The following ANKRD28 variants were observed in gnomAD, a reference collection of about 807,000 sequenced individuals.
The protein encoded by ANKRD28 is serine/threonine-protein phosphatase 6 regulatory ankyrin repeat subunit A.
In ANKRD28, 44 loss-of-function variants were observed where a neutral mutation model predicts 126.5. The ratio of observed to expected loss-of-function variants is 0.35; its 90% CI spans 0.27 to 0.45. The LOEUF is 0.45. Ranked by LOEUF, ANKRD28 falls within the 20% of genes least tolerant of loss-of-function variation. The pLI is 1.00. For synonymous variants in ANKRD28, 442 were observed against 468.5 expected (o/e 0.94, Z 0.73); for missense variants, 1,110 against 1,316.6 (o/e 0.84, Z 2.43).
chr3:15,735,616 C>T (rs2074966095), intron 5 of ANKRD28, 119 bp from the exon 6 acceptor site: 6 of 714,340 alleles, frequency 8.4e-6, no homozygotes, highest in Non-Finnish European at 1.4e-5. Context: ...AGTTGCTGAA[C>T]AGAAGGAGCT....
Position 15,854,374 on chromosome 3 carries a change from T to C in ANKRD28, c.27+5003A>G, listed in dbSNP as rs2061717377. Among the ~76,000 whole-genome samples the C allele has an allele frequency of 6.6e-6, 1 of 152,228 alleles. No individual in the cohort carries two copies. The stretch of plus-strand genomic sequence containing the variant: ...TCTTGTTGCTTTCATTGACAACTGC[T>C]TGCTTTCAACATCCACATATACTTC... On this transcript the variant is annotated intron_variant, in intron 1 of 27. Transcript: ENST00000399451. This position sits in a 1 kb window ranked among gnomAD's most constrained non-coding sequence, Gnocchi z 4.1.
intron 2 of ANKRD28, among the ~76,000 whole-genome samples, chr3:15,770,810 T>C (rs957000935): frequency 6.6e-6 from 1 of 152,208 alleles, no homozygotes; most frequent in Non-Finnish European, 1.5e-5. Context: ...AATTTAATGC[T>C]TACTTCTATA....
At chr3:15,699,995 T>C (rs935593541) in intron 14 of ANKRD28, among the ~76,000 whole-genome samples, 1 of 152,210 alleles carries the variant, frequency 6.6e-6, no homozygotes. Context: ...CAAATGTCCA[T>C]CAATGATAGA....
Position 15,814,166 on chromosome 3 carries a change from C to A in ANKRD28, c.28-18860G>T. On this transcript the variant is annotated intron_variant, in intron 1 of 27. Transcript: ENST00000399451. The surrounding 1 kb of genome is among the most constrained non-coding windows in gnomAD (Gnocchi z 4.7). Reference sequence around the variant, plus strand: ...GTATGAAAGCTAAGTTACAAGGAGGCTTAAACAGCAACAAACTAACAAATT... The same window carrying A: ...GTATGAAAGCTAAGTTACAAGGAGGATTAAACAGCAACAAACTAACAAATT... 1 of 830,554 alleles carries A rather than the reference C, an allele frequency of 1.2e-6. No individual in the cohort carries two copies. Among genetic ancestry groups the A allele is most frequent in the Non-Finnish European group, 1.6e-6 (1 of 639,740 alleles). 51.4% of individuals were successfully genotyped at this position (830,554 alleles called of 1,614,324 possible).
At position 15,780,410 on chromosome 3, in the gene ANKRD28, C is replaced by T. The variant is rs141630722; in HGVS notation, c.202-14098G>A. On this transcript the variant is annotated intron_variant, in intron 2 of 27. Coordinates refer to ENST00000683139, the MANE Select transcript of ANKRD28 (RefSeq NM_001349278.2). Reference sequence around the variant, plus strand: ...AAAAACTATAAAACATTAATGAAAACAAATTGAAGAAAACACAAATAAATG... The same window carrying T: ...AAAAACTATAAAACATTAATGAAAATAAATTGAAGAAAACACAAATAAATG... Among the ~76,000 whole-genome samples the T allele has an allele frequency of 8.2e-3, 1,251 of 151,844 alleles. 7 individuals carry two copies. Among genetic ancestry groups the T allele is most frequent in the Middle Eastern group, 0.031 (9 of 294 alleles).
chr3:15,711,187 G>T (rs1384422122), intron 12 of ANKRD28, 24 bp downstream of exon 12: 2 of 1,585,310 alleles, frequency 1.3e-6, no homozygotes, highest in Admixed American at 1.8e-5. Flanking sequence ...TTTTCTTAAA[G>T]AAATAAAAAT....
At chr3:15,859,098 G>A (rs2061842714) in intron 1 of ANKRD28, among the ~76,000 whole-genome samples, 1 of 152,204 alleles carries the variant, frequency 6.6e-6, no homozygotes, top group Non-Finnish European at 1.5e-5. Flanking sequence ...TTGCCCGGCA[G>A]CTCGCCCGAC....
chr3:15,686,174 T>C (rs1347936059), intron 19 of ANKRD28, 48 bp downstream of exon 19: 10 of 1,595,556 alleles, frequency 6.3e-6, no homozygotes, highest in Non-Finnish European at 8.6e-6. Flanking sequence ...TACTCTGGTT[T>C]TCGAAATACG....
chr3:15,679,664 C>T, intron 21 of ANKRD28, 101 bp from the exon 22 acceptor site: 1 of 859,284 alleles, frequency 1.2e-6, no homozygotes, highest in Non-Finnish European at 1.8e-6. Flanking sequence ...AAAGTCTCTC[C>T]CTCATCCCAT....
intron 5 of ANKRD28, 24 bp from the exon 6 acceptor site, chr3:15,735,521 T>C (rs562083234): frequency 2.0e-4 from 306 of 1,506,074 alleles, no homozygotes; most frequent in Middle Eastern, 5.1e-4. Context: ...AAACACAGTG[T>C]CATCAAAATT....
intron 1 of ANKRD28, among the ~76,000 whole-genome samples, chr3:15,850,222 T>TAGAG (rs1402127071): frequency 1.1e-3 from 44 of 41,800 alleles, no homozygotes; most frequent in Non-Finnish European, 1.6e-3. Context: ...TATATATATA[T>TAGAG]ATAGAGAGAG....
chr3:15,692,888 A>C (rs1236892662), intron 17 of ANKRD28, among the ~76,000 whole-genome samples: 2 of 152,246 alleles, frequency 1.3e-5, no homozygotes, highest in Non-Finnish European at 2.9e-5. Flanking sequence ...TGAATGGATA[A>C]AGAAAAATGT....
At chr3:15,750,108 T>C (rs1026800256) in intron 4 of ANKRD28, among the ~76,000 whole-genome samples, 1 of 152,260 alleles carries the variant, frequency 6.6e-6, no homozygotes, top group Non-Finnish European at 1.5e-5. Flanking sequence ...CTTCCTTTAA[T>C]GTTAATTTTT....
At position 15,854,014 on chromosome 3, in the gene ANKRD28, T is replaced by C. The variant is rs2126002186; in HGVS notation, c.27+5363A>G. ...GTATGTTCTGATTTACAGCAGTAGC[T>C]ACCTAACTGGTCCTGGGTGTCCCTG... is the stretch of plus-strand genomic sequence containing the variant. On this transcript the variant is annotated intron_variant, in intron 1 of 27. Coordinates refer to the ANKRD28 transcript ENST00000399451. The surrounding 1 kb of genome is among the most constrained non-coding windows in gnomAD (Gnocchi z 4.1). 6.6e-6 allele frequency among the ~76,000 whole-genome samples: 1 copy of C among 152,360 alleles called. No homozygotes were observed.
chr3:15,831,998 G>C (rs897713875), intron 1 of ANKRD28, among the ~76,000 whole-genome samples: 2 of 152,178 alleles, frequency 1.3e-5, no homozygotes, highest in African/African-American at 4.8e-5. Context: ...TCCTATCTCA[G>C]ACACACTTAA....
At chr3:15,722,014 C>T (rs766655753) in intron 7 of ANKRD28, among the ~76,000 whole-genome samples, 1 of 152,032 alleles carries the variant, frequency 6.6e-6, no homozygotes, top group Non-Finnish European at 1.5e-5. Context: ...CAAAGTGCTG[C>T]GATTACAGGC....
intron 4 of ANKRD28, among the ~76,000 whole-genome samples, chr3:15,746,645 G>T (rs1163162383): frequency 6.6e-6 from 1 of 152,142 alleles, no homozygotes; most frequent in Non-Finnish European, 1.5e-5. Context: ...ATGCATCTAT[G>T]CTCATCAGGG....
chr3:15,705,284 T>C (rs2071200796), intron 14 of ANKRD28, among the ~76,000 whole-genome samples: 1 of 152,234 alleles, frequency 6.6e-6, no homozygotes, highest in Non-Finnish European at 1.5e-5. Context: ...AAACCACACA[T>C]CTCCAACACT....
intron 1 of ANKRD28, among the ~76,000 whole-genome samples, chr3:15,855,687 A>T (rs998085168): frequency 1.3e-5 from 2 of 152,236 alleles, no homozygotes; most frequent in African/African-American, 2.4e-5. Context: ...AAAAGGCCAT[A>T]TATTGTATGA....
Sources: allele counts gnomAD v4.1 joint callset (sites outside exome capture counted in the v4.1 genomes callset), GRCh38; gene constraint gnomAD v4.1.1; non-coding constraint Gnocchi (gnomAD v3.1); transcripts MANE v1.5; gene names NCBI Gene and HGNC (gene_info 2026-07-23, HGNC 2026-07-21).